NKAIN2: variants seen among roughly 807,000 people sequenced by gnomAD.
The protein encoded by NKAIN2 is sodium/potassium transporting ATPase interacting 2.
Under a neutral mutation model 32.6 loss-of-function variants are expected in NKAIN2, and 14 were observed. That is an observed-to-expected ratio of 0.43 (90% confidence interval 0.28 to 0.67). The LOEUF (loss-of-function observed/expected upper bound fraction) is 0.67. Among genes scored for constraint, NKAIN2 ranks in the 30% least tolerant of loss-of-function variants. The probability of loss-of-function intolerance (pLI) is 0.17; values close to 1 mark genes in which losing one functional copy is unlikely to be tolerated. For synonymous variants in NKAIN2, 80 were observed against 87.2 expected, an observed-to-expected ratio of 0.92 and a Z score of 0.46; for missense variants, 198 against 258.3, an observed-to-expected ratio of 0.77 and a Z score of 1.60.
chr6:124,075,430 A>T (rs1783650794), intron 1 of NKAIN2, among the ~76,000 whole-genome samples: 1 of 152,140 alleles, frequency 6.6e-6, no homozygotes, highest in Non-Finnish European at 1.5e-5. Context: ...GTTTTCAGAA[A>T]TCTCTGAAAT....
At chr6:124,165,520 TTTA>T (rs1000334790) in intron 1 of NKAIN2, among the ~76,000 whole-genome samples, 33 of 152,132 alleles carry the variant, frequency 2.2e-4, no homozygotes, top group African/African-American at 6.7e-4. Context: ...TTTATTTTAT[TTTA>T]TTATTATTAT....
chr6:124,590,173 G>A (rs1471576325), intron 3 of NKAIN2, among the ~76,000 whole-genome samples: 1 of 152,138 alleles, frequency 6.6e-6, no homozygotes, highest in Non-Finnish European at 1.5e-5. Flanking sequence ...AATAATGGCA[G>A]TAAGATTCTT....
At chr6:124,530,785 C>T (rs995740061) in intron 3 of NKAIN2, among the ~76,000 whole-genome samples, 66 of 152,252 alleles carry the variant, frequency 4.3e-4, no homozygotes, top group African/African-American at 1.6e-3. Context: ...GGGGGTAGGG[C>T]AGGTCGCTGT....
chr6:124,736,738 C>G (rs1281765749), intron 4 of NKAIN2, among the ~76,000 whole-genome samples: 1 of 151,854 alleles, frequency 6.6e-6, no homozygotes, highest in Non-Finnish European at 1.5e-5. Context: ...TGACTTACTG[C>G]TCAGAAAAAA....
intron 4 of NKAIN2, among the ~76,000 whole-genome samples, chr6:124,733,342 G>T (rs1192858522): frequency 1.3e-5 from 2 of 151,870 alleles, no homozygotes; most frequent in African/African-American, 4.8e-5. Flanking sequence ...GAGGTTGGAA[G>T]AGCCCAGTAA....
At chr6:124,131,873 TC>T (rs779215455) in intron 1 of NKAIN2, among the ~76,000 whole-genome samples, 13 of 152,028 alleles carry the variant, frequency 8.6e-5, no homozygotes, top group East Asian at 3.9e-4. Flanking sequence ...GGCACACACT[TC>T]CTTGAGCAGA....
intron 3 of NKAIN2, among the ~76,000 whole-genome samples, chr6:124,624,423 G>C (rs1435119963): frequency 6.6e-6 from 1 of 152,130 alleles, no homozygotes; most frequent in East Asian, 1.9e-4. Context: ...ACCCTTTGTG[G>C]CTTTAAGGCC....
intron 1 of NKAIN2, among the ~76,000 whole-genome samples, chr6:123,947,380 A>C (rs1777112812): frequency 6.6e-6 from 1 of 152,166 alleles, no homozygotes; most frequent in South Asian, 2.1e-4. Context: ...ATGCCATTTC[A>C]AATATTATAT....
chr6:124,770,298 C>G (rs1319951278), intron 4 of NKAIN2, among the ~76,000 whole-genome samples: 3 of 152,182 alleles, frequency 2.0e-5, no homozygotes, highest in Admixed American at 1.3e-4. Flanking sequence ...TGTCAGGCAG[C>G]CTTCCCCTTG....
intron 1 of NKAIN2, among the ~76,000 whole-genome samples, chr6:123,894,119 C>T (rs1334666854): frequency 6.9e-6 from 1 of 144,812 alleles, no homozygotes; most frequent in Non-Finnish European, 1.5e-5. Context: ...CATTTTTAAA[C>T]CTCTGTTTGG....
At chr6:124,669,320 C>T (rs1246787238) in intron 4 of NKAIN2, among the ~76,000 whole-genome samples, 1 of 152,130 alleles carries the variant, frequency 6.6e-6, no homozygotes, top group Non-Finnish European at 1.5e-5. Context: ...AAGCACTGTA[C>T]ATACAGGGGT....
chr6:123,949,279 A>G (rs549210692), intron 1 of NKAIN2, among the ~76,000 whole-genome samples: 24 of 152,152 alleles, frequency 1.6e-4, no homozygotes, highest in Non-Finnish European at 2.9e-4. Context: ...TTCTTTGGCT[A>G]TGCAGGGTCT....
At chr6:124,181,145 C>T (rs879596980) in intron 1 of NKAIN2, among the ~76,000 whole-genome samples, 13 of 152,248 alleles carry the variant, frequency 8.5e-5, no homozygotes, top group African/African-American at 1.4e-4. Context: ...TGGAAGCTGC[C>T]AAGGTTTGGG....
intron 4 of NKAIN2, among the ~76,000 whole-genome samples, chr6:124,725,817 T>A (rs1030792137): frequency 5.3e-5 from 8 of 152,196 alleles, no homozygotes; most frequent in African/African-American, 1.7e-4. Context: ...CACTAGGGAA[T>A]GCCAGACAGT....
intron 3 of NKAIN2, among the ~76,000 whole-genome samples, chr6:124,467,422 AAATG>A (rs1237452155): frequency 6.6e-5 from 10 of 152,120 alleles, no homozygotes; most frequent in Non-Finnish European, 1.5e-4. Flanking sequence ...CATTATCTGA[AAATG>A]AAAGAAAAGA....
At chr6:124,594,245 A>T (rs1426550909) in intron 3 of NKAIN2, among the ~76,000 whole-genome samples, 1 of 152,216 alleles carries the variant, frequency 6.6e-6, no homozygotes, top group Admixed American at 6.5e-5. Flanking sequence ...AAATTTATTC[A>T]AATGTAACTT....
rs11964196 is a variant in NKAIN2 at position 124,706,890 on chromosome 6, T to G, written c.474+48504T>G. 2.0e-5 allele frequency among the ~76,000 whole-genome samples: 3 copies of G among 152,184 alleles called. No homozygotes were observed. In the East Asian group the frequency reaches 5.8e-4, roughly 29 times the overall value. Reference sequence around the variant, plus strand: ...AGTTTTAGGGTACATGTACACATTGTGCAGGTTAGTTACATATGTATACAT... The same window carrying G: ...AGTTTTAGGGTACATGTACACATTGGGCAGGTTAGTTACATATGTATACAT... On this transcript the variant is annotated intron_variant, in intron 4 of 6. Coordinates refer to ENST00000368417, the MANE Select transcript of NKAIN2 (RefSeq NM_001040214.3).
intron 1 of NKAIN2, among the ~76,000 whole-genome samples, chr6:123,809,189 C>A (rs12530077): frequency 0.02 from 3,060 of 152,138 alleles, 52 homozygotes; most frequent in East Asian, 0.044. Flanking sequence ...GAAACACACA[C>A]ATAGGAAAAA....
intron 4 of NKAIN2, among the ~76,000 whole-genome samples, chr6:124,741,027 A>G (rs1282826228): frequency 1.1e-4 from 16 of 151,734 alleles, no homozygotes; most frequent in African/African-American, 3.6e-4. Context: ...AATTCTGGAT[A>G]TATCTTGGGA....
Sources: allele counts gnomAD v4.1 joint callset (sites outside exome capture counted in the v4.1 genomes callset), GRCh38; gene constraint gnomAD v4.1.1; transcripts MANE v1.5; gene names NCBI Gene and HGNC (gene_info 2026-07-23, HGNC 2026-07-21).